The following TBL1XR1 variants were observed in gnomAD, a reference collection of about 807,000 sequenced individuals.
The protein encoded by TBL1XR1 is TBL1X/Y related 1.
In TBL1XR1, 5 loss-of-function variants were observed where a neutral mutation model predicts 66.9. The observed-to-expected ratio is 0.07, with a 90% CI of 0.04 to 0.16. The LOEUF is 0.16. Among genes scored for constraint, TBL1XR1 ranks in the 10% least tolerant of loss-of-function variants. TBL1XR1 has a pLI of 1.00. For synonymous variants in TBL1XR1, 210 were observed against 206.0 expected, an observed-to-expected ratio of 1.02 and a Z score of -0.17; for missense variants, 238 against 623.2, an observed-to-expected ratio of 0.38 and a Z score of 6.58.
At chr3:177,121,110 G>A (rs556362360) in intron 1 of TBL1XR1, among the ~76,000 whole-genome samples, 7 of 152,160 alleles carry the variant, frequency 4.6e-5, no homozygotes, top group South Asian at 2.1e-4. Flanking sequence ...TATAACCTAC[G>A]GCTTGTCATA....
chr3:177,191,530 A>G (rs1736136739), intron 1 of TBL1XR1, among the ~76,000 whole-genome samples: 1 of 152,228 alleles, frequency 6.6e-6, no homozygotes, highest in Admixed American at 6.5e-5. Context: ...AAGCACCTGT[A>G]TAGTCCTGAT....
chr3:177,131,166 T>C (rs949494666), intron 1 of TBL1XR1, among the ~76,000 whole-genome samples: 1 of 152,170 alleles, frequency 6.6e-6, no homozygotes, highest in Admixed American at 6.5e-5. Flanking sequence ...TGAGAACTTC[T>C]TCAGCAAATC....
At chr3:177,093,969 T>C (rs1436214091) in intron 2 of TBL1XR1, among the ~76,000 whole-genome samples, 1 of 151,876 alleles carries the variant, frequency 6.6e-6, no homozygotes, top group Non-Finnish European at 1.5e-5. Context: ...AAAGATAAAT[T>C]AAGATGGGAC....
intron 2 of TBL1XR1, among the ~76,000 whole-genome samples, chr3:177,093,554 A>G (rs914816635): frequency 6.6e-6 from 1 of 152,202 alleles, no homozygotes; most frequent in Non-Finnish European, 1.5e-5. Context: ...GAGTCATCAC[A>G]TTACCTGATC....
chr3:177,085,992 GTTC>G (rs1283095739), intron 2 of TBL1XR1, among the ~76,000 whole-genome samples: 1 of 151,970 alleles, frequency 6.6e-6, no homozygotes, highest in African/African-American at 2.4e-5. Context: ...CTAAACATTA[GTTC>G]TTCATTTGTA....
intron 10 of TBL1XR1, among the ~76,000 whole-genome samples, chr3:177,042,015 C>T (rs1210023607): frequency 6.6e-6 from 1 of 152,174 alleles, no homozygotes; most frequent in African/African-American, 2.4e-5. Context: ...TAGTTTTTCA[C>T]TCTTCCCAAC....
At chr3:177,200,931 C>T (rs1737327577), upstream of TBL1XR1, among the ~76,000 whole-genome samples, 1 of 151,836 alleles carries the variant, frequency 6.6e-6, no homozygotes, top group African/African-American at 2.4e-5. Flanking sequence ...CGCTTGAACC[C>T]TGGAGGCGGA....
At chr3:177,046,096 C>A in intron 10 of TBL1XR1, 33 bp downstream of exon 10, 1 of 1,492,796 alleles carries the variant, frequency 6.7e-7, no homozygotes, top group Non-Finnish European at 9.0e-7. Flanking sequence ...CAGAAGCAAG[C>A]TCCAGCTTTC....
intron 3 of TBL1XR1, among the ~76,000 whole-genome samples, chr3:177,057,250 C>T (rs1717920336): frequency 6.6e-6 from 1 of 152,134 alleles, no homozygotes; most frequent in South Asian, 2.1e-4. Flanking sequence ...GAGGTGAAAT[C>T]CTCTTTCACT....
chr3:177,098,700 A>G (rs1723811994), intron 1 of TBL1XR1, among the ~76,000 whole-genome samples, 159 bp from the exon 2 acceptor site: 1 of 152,208 alleles, frequency 6.6e-6, no homozygotes, highest in Non-Finnish European at 1.5e-5. Flanking sequence ...AACAGCAGCA[A>G]CTTTTGAGTG....
intron 1 of TBL1XR1, among the ~76,000 whole-genome samples, chr3:177,120,378 G>A (rs1341570604): frequency 6.6e-6 from 1 of 152,080 alleles, no homozygotes; most frequent in Non-Finnish European, 1.5e-5. Context: ...AGAGAACAAG[G>A]TCTAGACAGG....
chr3:177,196,097 G>A (rs1307892328), intron 1 of TBL1XR1, among the ~76,000 whole-genome samples: 1 of 152,002 alleles, frequency 6.6e-6, no homozygotes, highest in South Asian at 2.1e-4. Context: ...TTTAATCCCG[G>A]TTGCCACTGC....
chr3:177,049,905 C>G (rs1716826061), intron 7 of TBL1XR1, 92 bp downstream of exon 7: 1 of 1,436,602 alleles, frequency 7.0e-7, no homozygotes. Context: ...ACCCCAAATT[C>G]TGAACAAATA....
intron 1 of TBL1XR1, among the ~76,000 whole-genome samples, chr3:177,167,565 A>C (rs1356673189): frequency 6.6e-6 from 1 of 152,344 alleles, no homozygotes; most frequent in East Asian, 1.9e-4. Context: ...TGGGGACACG[A>C]GGCAGAGGGT....
At chr3:177,065,906 TATC>T (rs894286871) in intron 2 of TBL1XR1, among the ~76,000 whole-genome samples, 4 of 152,220 alleles carry the variant, frequency 2.6e-5, no homozygotes, top group Non-Finnish European at 5.9e-5. Context: ...AATTTCATAA[TATC>T]ATTGTATCAT....
At chr3:177,030,572 T>C (rs1713839149) in intron 14 of TBL1XR1, among the ~76,000 whole-genome samples, 1 of 152,138 alleles carries the variant, frequency 6.6e-6, no homozygotes, top group Non-Finnish European at 1.5e-5. Context: ...GAACACTTTA[T>C]CTGTATCTAT....
chr3:177,076,647 AG>A (rs11332761), intron 2 of TBL1XR1, among the ~76,000 whole-genome samples: 2,139 of 152,284 alleles, frequency 0.014, 51 homozygotes, highest in African/African-American at 0.05. Context: ...GGTACAGACA[AG>A]GGTAACAAAA....
intron 1 of TBL1XR1, among the ~76,000 whole-genome samples, chr3:177,174,983 T>C (rs931821084): frequency 9.9e-5 from 15 of 152,208 alleles, no homozygotes; most frequent in Admixed American, 5.2e-4. Context: ...ACTTAAAAAC[T>C]GTACGCTAGA....
At chr3:177,072,470 CAAA>C (rs11362981) in intron 2 of TBL1XR1, among the ~76,000 whole-genome samples, 8 of 128,914 alleles carry the variant, frequency 6.2e-5, no homozygotes, top group Non-Finnish European at 3.4e-5. Context: ...ACTATGCACT[CAAA>C]AAAAAAAAAA....
Sources: allele counts gnomAD v4.1 joint callset (sites outside exome capture counted in the v4.1 genomes callset), GRCh38; gene constraint gnomAD v4.1.1; transcripts MANE v1.5; gene names NCBI Gene and HGNC (gene_info 2026-07-23, HGNC 2026-07-21).